The following PDSS2 variants were observed in gnomAD, a reference collection of about 807,000 sequenced individuals.
PDSS2 encodes decaprenyl diphosphate synthase subunit 2.
A neutral mutation model predicts 44.5 loss-of-function variants in PDSS2; 31 were observed. The ratio of observed to expected loss-of-function variants is 0.70; its 90% CI spans 0.52 to 0.94. The LOEUF is 0.94. Ranked by LOEUF, PDSS2 falls within the 40% of genes least tolerant of loss-of-function variation. The probability of loss-of-function intolerance (pLI) is 0.00; values close to 1 mark genes in which losing one functional copy is unlikely to be tolerated. For synonymous variants in PDSS2, 157 were observed against 180.3 expected (o/e 0.87, Z 1.03); for missense variants, 452 against 482.2 (o/e 0.94, Z 0.59).
At chr6:107,250,311 T>C (rs113241558) in intron 3 of PDSS2, among the ~76,000 whole-genome samples, 1,788 of 152,252 alleles carry the variant, frequency 0.012, 34 homozygotes, top group African/African-American at 0.041. Flanking sequence ...GGTCAATCTA[T>C]GTGTTTATAT....
chr6:107,417,595 C>T (rs572801099), intron 1 of PDSS2, among the ~76,000 whole-genome samples: 3 of 152,168 alleles, frequency 2.0e-5, no homozygotes, highest in Admixed American at 1.3e-4. Flanking sequence ...CCCATCTCTA[C>T]TAAAAATACA....
intron 7 of PDSS2, among the ~76,000 whole-genome samples, chr6:107,166,264 C>T (rs1771343781): frequency 2.0e-5 from 3 of 151,900 alleles, no homozygotes; most frequent in Admixed American, 2.0e-4. Context: ...GGGAATGCTT[C>T]CAGTTTTGCC....
At chr6:107,266,005 C>T (rs1775400936) in intron 3 of PDSS2, among the ~76,000 whole-genome samples, 1 of 151,936 alleles carries the variant, frequency 6.6e-6, no homozygotes, top group Non-Finnish European at 1.5e-5. Context: ...AAATATTTAT[C>T]GCCACCTCCT....
chr6:107,445,182 C>T lies in PDSS2; in HGVS notation c.296+13808G>A, dbSNP rs57001729. Among the ~76,000 whole-genome samples the T allele has an allele frequency of 8.3e-3, 1,248 of 150,898 alleles. 46 individuals carry two copies. The East Asian group carries it at 0.12, about 14-fold the overall frequency. On this transcript the variant is annotated intron_variant, in intron 1 of 7. Coordinates refer to ENST00000369037, the MANE Select transcript of PDSS2 (RefSeq NM_020381.4). ...TTTATATATAATTTTTTATAAATTACATATTTTATATATATATATATTGCA... is the reference window on the plus strand; with the variant it reads ...TTTATATATAATTTTTTATAAATTATATATTTTATATATATATATATTGCA...
At chr6:107,203,312 T>C (rs1772854731) in intron 6 of PDSS2, among the ~76,000 whole-genome samples, 1 of 152,188 alleles carries the variant, frequency 6.6e-6, no homozygotes, top group African/African-American at 2.4e-5. Context: ...AGTCCACACC[T>C]GTCAGCCTCT....
intron 1 of PDSS2, among the ~76,000 whole-genome samples, chr6:107,432,047 A>G (rs1345326671): frequency 2.6e-5 from 4 of 152,258 alleles, no homozygotes; most frequent in Non-Finnish European, 5.9e-5. Flanking sequence ...TACTATAATT[A>G]AGTTAAACTA....
intron 1 of PDSS2, among the ~76,000 whole-genome samples, chr6:107,447,378 T>C (rs2114837663): frequency 6.6e-6 from 1 of 152,176 alleles, no homozygotes; most frequent in South Asian, 2.1e-4. Context: ...CATTACTACC[T>C]AGACACATCT....
chr6:107,328,984 C>T (rs1339649861), intron 2 of PDSS2, among the ~76,000 whole-genome samples: 1 of 152,206 alleles, frequency 6.6e-6, no homozygotes, highest in African/African-American at 2.4e-5. Context: ...TTGCTATGGG[C>T]AACAGCTCCA....
At chr6:107,352,598 T>C (rs746375168) in intron 1 of PDSS2, among the ~76,000 whole-genome samples, 4 of 152,156 alleles carry the variant, frequency 2.6e-5, no homozygotes, top group Non-Finnish European at 5.9e-5. Flanking sequence ...TTCAAAAACA[T>C]GGTGGTAGGG....
At chr6:107,156,883 G>A (rs1395166945) in intron 7 of PDSS2, among the ~76,000 whole-genome samples, 2 of 152,122 alleles carry the variant, frequency 1.3e-5, no homozygotes, top group African/African-American at 4.8e-5. Flanking sequence ...TCTCTTCAGA[G>A]CTCTCAAGTT....
intron 1 of PDSS2, among the ~76,000 whole-genome samples, chr6:107,363,824 T>A (rs1778866024): frequency 6.6e-6 from 1 of 151,944 alleles, no homozygotes; most frequent in Non-Finnish European, 1.5e-5. Flanking sequence ...CACGTCCACA[T>A]CAGATTAGTT....
intron 7 of PDSS2, among the ~76,000 whole-genome samples, chr6:107,176,542 T>G (rs1408379310): frequency 6.6e-6 from 1 of 152,114 alleles, no homozygotes; most frequent in African/African-American, 2.4e-5. Context: ...TAAAACTGTA[T>G]GGCTATTATG....
rs1319282789 is a variant in PDSS2, at chr6:107,154,433, C to T, written c.*186G>A. On this transcript the variant is annotated 3_prime_UTR_variant, in exon 8 of 8. Coordinates refer to ENST00000369037, the MANE Select transcript of PDSS2 (RefSeq NM_020381.4). Reference sequence around the variant, plus strand: ...GCGTGACAAGTGAAAACTGCTTGACCTTTTTTTCTTCTAATTTTGTTTGTA... The same window carrying T: ...GCGTGACAAGTGAAAACTGCTTGACTTTTTTTTCTTCTAATTTTGTTTGTA... 2.8e-5 allele frequency: 17 copies of T among 601,740 alleles called. No individual in the cohort carries two copies. The highest frequency in any genetic ancestry group is 4.1e-5 in the Non-Finnish European group (14 of 342,404). The allele number at this position is 601,740 out of a possible 1,614,324, so 37.3% of individuals were successfully genotyped here.
At chr6:107,254,842 T>C (rs997441781) in intron 3 of PDSS2, among the ~76,000 whole-genome samples, 2 of 151,946 alleles carry the variant, frequency 1.3e-5, no homozygotes, top group South Asian at 4.2e-4. Flanking sequence ...TGACACAGTA[T>C]AAATACATGT....
chr6:107,403,036 G>A (rs115400612), intron 1 of PDSS2, among the ~76,000 whole-genome samples: 5,262 of 152,076 alleles, frequency 0.035, 315 homozygotes, highest in African/African-American at 0.12. Flanking sequence ...ACCAAAAGTC[G>A]AAGTCCAAAG....
At chr6:107,379,901 ATAT>A (rs1326129680) in intron 1 of PDSS2, among the ~76,000 whole-genome samples, 1 of 152,060 alleles carries the variant, frequency 6.6e-6, no homozygotes, top group African/African-American at 2.4e-5. Context: ...TGGTCTCAAC[ATAT>A]TATATATTAT....
At chr6:107,282,391 A>C (rs942560919) in intron 2 of PDSS2, among the ~76,000 whole-genome samples, 1 of 151,932 alleles carries the variant, frequency 6.6e-6, no homozygotes, top group African/African-American at 2.4e-5. Flanking sequence ...ATGTCAGCTG[A>C]TGAACAGTTT....
chr6:107,263,683 T>G (rs973327290), intron 3 of PDSS2, among the ~76,000 whole-genome samples: 1 of 152,204 alleles, frequency 6.6e-6, no homozygotes, highest in Non-Finnish European at 1.5e-5. Context: ...ATTTCTAGTA[T>G]AATTTGCACA....
chr6:107,439,484 C>T (rs1781452887), intron 1 of PDSS2, among the ~76,000 whole-genome samples: 1 of 152,190 alleles, frequency 6.6e-6, no homozygotes, highest in Non-Finnish European at 1.5e-5. Flanking sequence ...CCACCTCTCC[C>T]TCAAACTACA....
Sources: allele counts gnomAD v4.1 joint callset (sites outside exome capture counted in the v4.1 genomes callset), GRCh38; gene constraint gnomAD v4.1.1; transcripts MANE v1.5; gene names NCBI Gene and HGNC (gene_info 2026-07-23, HGNC 2026-07-21).